The following TANK variants were observed in gnomAD, a reference collection of about 807,000 sequenced individuals.
TANK encodes TRAF family member-associated NF-kappa-B activator.
In TANK, 15 loss-of-function variants were observed where a neutral mutation model predicts 43.6. The ratio of observed to expected loss-of-function variants is 0.34; its 90% confidence interval spans 0.23 to 0.53. The LOEUF (loss-of-function observed/expected upper bound fraction) is 0.53. TANK is among the 20% of genes least tolerant of loss of function. TANK has a pLI of 0.94. For missense variants in TANK, 417 were observed against 498.6 expected (o/e 0.84, Z 1.56); for synonymous variants, 162 against 178.2 (o/e 0.91, Z 0.73).
chr2:161,212,819 G>C, intron 4 of TANK: 1 of 961,894 alleles, frequency 1.0e-6, no homozygotes, highest in Non-Finnish European at 1.2e-6. Context: ...ATAGCCCCCT[G>C]TCCACCTCCA....
At chr2:161,220,617 A>C (rs182182235) in intron 4 of TANK, among the ~76,000 whole-genome samples, 1 of 152,308 alleles carries the variant, frequency 6.6e-6, no homozygotes, top group Non-Finnish European at 1.5e-5. Context: ...AAAGGAAAAA[A>C]AAATTCTGTA....
chr2:161,179,950 A>G (rs879332614), intron 2 of TANK, 189 bp downstream of exon 2: 4 of 1,269,298 alleles, frequency 3.2e-6, no homozygotes, highest in East Asian at 6.1e-5. Context: ...ATTGCAACCC[A>G]TAGGAAGAGT....
At chr2:161,149,049 C>A (rs1357017631) in intron 1 of TANK, among the ~76,000 whole-genome samples, 2 of 152,076 alleles carry the variant, frequency 1.3e-5, no homozygotes, top group Non-Finnish European at 2.9e-5. Context: ...ATTTCAATAG[C>A]AATTGCATTG....
chr2:161,200,759 A>C (rs1477753241), intron 2 of TANK, among the ~76,000 whole-genome samples: 2 of 149,194 alleles, frequency 1.3e-5, no homozygotes, highest in East Asian at 3.9e-4. Flanking sequence ...CCTTCAGATC[A>C]TTTCTGAAAG....
chr2:161,154,933 T>C (rs1684184244), intron 1 of TANK, among the ~76,000 whole-genome samples: 1 of 152,020 alleles, frequency 6.6e-6, no homozygotes, highest in African/African-American at 2.4e-5. Flanking sequence ...TTAGTAGAGA[T>C]GAATTTTCTC....
chr2:161,193,814 G>A (rs1345554615), intron 2 of TANK, among the ~76,000 whole-genome samples: 7 of 152,176 alleles, frequency 4.6e-5, no homozygotes, highest in Non-Finnish European at 1.0e-4. Flanking sequence ...TTAGTCACAT[G>A]ATCACATCTA....
chr2:161,151,649 T>C (rs956354921), intron 1 of TANK, among the ~76,000 whole-genome samples: 6 of 152,182 alleles, frequency 3.9e-5, no homozygotes, highest in African/African-American at 1.4e-4. Flanking sequence ...TTTAATCTAT[T>C]GGTCTTTGCA....
Position 161,201,121 on chromosome 2 carries a change from G to C in TANK, c.100-2366G>C, listed in dbSNP as rs191096605. On this transcript the variant is annotated intron_variant, in intron 2 of 7. Transcript: ENST00000392749. ...TAGGAGGAAAACATGGACTCTTGCT[G>C]TTCTGTTTCCCTTACTATACTTCCA... The C allele has an allele frequency of 2.0e-6, 2 of 985,332 alleles. 1 individual carries two copies. Among genetic ancestry groups the C allele is most frequent in the East Asian group, 2.3e-4 (2 of 8,816 alleles). The allele number at this position is 985,332 out of a possible 1,614,324, so 61.0% of individuals were successfully genotyped here. A position where few individuals can be genotyped will look rare whatever the true frequency, so the allele number is the denominator to read the frequency against.
chr2:161,234,492 A>C (rs1274475356), intron 7 of TANK, among the ~76,000 whole-genome samples: 1 of 152,232 alleles, frequency 6.6e-6, no homozygotes, highest in Non-Finnish European at 1.5e-5. Context: ...AGCTATTATT[A>C]AGCTAAATGC....
At chr2:161,211,165 G>T (rs1329610409) in intron 4 of TANK, among the ~76,000 whole-genome samples, 1 of 152,200 alleles carries the variant, frequency 6.6e-6, no homozygotes, top group African/African-American at 2.4e-5. Context: ...CTTCAATTAT[G>T]TATAGCAGTT....
intron 4 of TANK, chr2:161,207,294 A>G: frequency 3.1e-6 from 2 of 644,298 alleles, no homozygotes; most frequent in Non-Finnish European, 3.9e-6. Context: ...CGGTAAGAGG[A>G]AAAGCTCCAA....
At chr2:161,182,955 G>A (rs62194213) in intron 2 of TANK, among the ~76,000 whole-genome samples, 4,876 of 152,204 alleles carry the variant, frequency 0.032, 98 homozygotes, top group Non-Finnish European at 0.044. Context: ...TTCCTGAGGC[G>A]TGCTTCCAAG....
intron 4 of TANK, chr2:161,207,346 T>G: frequency 1.1e-6 from 1 of 944,272 alleles, no homozygotes; most frequent in Non-Finnish European, 1.3e-6. Flanking sequence ...CTTAATTATC[T>G]TTACTAATAG....
At chr2:161,164,390 C>T (rs1365717338) in intron 1 of TANK, among the ~76,000 whole-genome samples, 1 of 152,110 alleles carries the variant, frequency 6.6e-6, no homozygotes, top group Non-Finnish European at 1.5e-5. Context: ...CTGCCATTTC[C>T]CACCTGTTAT....
upstream of TANK, chr2:161,155,921 T>C: frequency 2.2e-6 from 1 of 456,112 alleles, no homozygotes; most frequent in South Asian, 9.4e-5. Context: ...TCCCTAATTC[T>C]TAGCACATAG....
intron 7 of TANK, chr2:161,232,872 AGTT>A: frequency 6.5e-7 from 1 of 1,546,886 alleles, no homozygotes; most frequent in Non-Finnish European, 8.7e-7. Context: ...ATTAGTGTTG[AGTT>A]GTCACAAGAC....
In TANK at chr2:161,231,520, C is replaced by A. The variant is rs755618514; in HGVS notation, c.1070C>A (p.Ser357Tyr). ...GATGCACCTTTTCCCTCACTCGATTCCCCGGGAAAAGCAATCCGAGGACCA... is the reference window on the plus strand; with the variant it reads ...GATGCACCTTTTCCCTCACTCGATTACCCGGGAAAAGCAATCCGAGGACCA... ...PSDAPFPSLD[S>Y]PGKAIRGPQQ... is the part of the protein sequence containing the mutation. The change falls in exon 7 of 8, where the codon TCC (serine) becomes TAC (tyrosine). Residue 357 changes from serine (S) to tyrosine (Y), a missense_variant. Physicochemically the swap from Ser to Tyr is moderately radical, Grantham distance 144 (BLOSUM62 -2). Transcript: ENST00000392749. 9.3e-6 allele frequency: 15 copies of A among 1,612,680 alleles called. No homozygotes were observed. Among genetic ancestry groups the A allele is most frequent in the Non-Finnish European group, 4.2e-6 (5 of 1,179,968 alleles).
intron 4 of TANK, chr2:161,208,102 A>G (rs377603543): frequency 3.1e-6 from 3 of 954,486 alleles, no homozygotes; most frequent in South Asian, 4.8e-5. Flanking sequence ...TGTTTTCTTT[A>G]GACAATTTGT....
At chr2:161,180,860 G>A (rs986036250) in intron 2 of TANK, among the ~76,000 whole-genome samples, 3 of 150,672 alleles carry the variant, frequency 2.0e-5, no homozygotes, top group Admixed American at 6.6e-5. Context: ...TCAGTAACGT[G>A]TGCAGTATAT....
Sources: allele counts gnomAD v4.1 joint callset (sites outside exome capture counted in the v4.1 genomes callset), GRCh38; gene constraint gnomAD v4.1.1; transcripts MANE v1.5; gene names NCBI Gene and HGNC (gene_info 2026-07-23, HGNC 2026-07-21).